The following GAA variants were observed in gnomAD, a reference collection of about 807,000 sequenced individuals.
GAA encodes lysosomal alpha-glucosidase.
GAA carries 88 observed loss-of-function variants against 103.9 expected under a neutral mutation model. The observed-to-expected ratio is 0.85, with a 90% CI of 0.71 to 1.01. The LOEUF is 1.01. GAA is among the 50% of genes least tolerant of loss of function. The pLI is 0.00. For missense variants in GAA, 1,350 were observed against 1,305.3 expected, an observed-to-expected ratio of 1.03 and a Z score of -0.53; for synonymous variants, 572 against 563.1, an observed-to-expected ratio of 1.02 and a Z score of -0.22.
intron 16 of GAA, among the ~76,000 whole-genome samples, 171 bp from the exon 17 acceptor site, chr17:80,117,429 T>C (rs1567839388): frequency 6.6e-6 from 1 of 151,882 alleles, no homozygotes; most frequent in African/African-American, 2.4e-5. Context: ...GCCAGGAGGG[T>C]CCCTACCTAC....
At chr17:80,109,481 C>T (rs1427382947) in intron 8 of GAA, among the ~76,000 whole-genome samples, 1 of 152,164 alleles carries the variant, frequency 6.6e-6, no homozygotes, top group Non-Finnish European at 1.5e-5. Flanking sequence ...TGAAAAGATC[C>T]AACAGTTCCT....
At chr17:80,110,314 C>T (rs369203156) in intron 9 of GAA, among the ~76,000 whole-genome samples, 3 of 152,202 alleles carry the variant, frequency 2.0e-5, no homozygotes, top group African/African-American at 7.2e-5. Flanking sequence ...CTCAGTGAGG[C>T]CTTAGGGTCC....
chr17:80,115,530 G>T (rs139058655), intron 15 of GAA, among the ~76,000 whole-genome samples: 1 of 152,298 alleles, frequency 6.6e-6, no homozygotes, highest in African/African-American at 2.4e-5. Context: ...CACATTTAAA[G>T]TAGCTGACGT....
At position 80,104,187 on chromosome 17, in the gene GAA, C is replaced by A. The variant is rs552074011; in HGVS notation, c.-32-368C>A. On this transcript the variant is annotated intron_variant, in intron 1 of 19. Transcript: ENST00000302262. This position sits in a 1 kb window ranked among gnomAD's most constrained non-coding sequence, Gnocchi z 4.0. The stretch of plus-strand genomic sequence containing the variant: ...GCTGAAGTGGGAGGATTGCTTGAGT[C>A]TGGGAGGTGGAGGTTGCAGTGAGCC... 2.0e-5 allele frequency among the ~76,000 whole-genome samples: 3 copies of A among 152,150 alleles called. No homozygotes were observed. The highest frequency in any genetic ancestry group is 6.5e-5 in the Admixed American group (1 of 15,274).
At chr17:80,106,823 G>A (rs541760594) in intron 3 of GAA, among the ~76,000 whole-genome samples, 92 of 152,336 alleles carry the variant, frequency 6.0e-4, no homozygotes, top group Non-Finnish European at 1.1e-3. Context: ...TCAGGAGGCT[G>A]AGGCAAGAGG....
rs1288846149 is a variant in GAA, at chr17:80,118,532, A to G, written c.2647-121A>G. ...CCGTGCACTCTGCCCTTTCGTGTAC[A>G]CAGAGGGAGGTCACCTCCCTGATGC... On this transcript the variant is annotated intron_variant, in intron 18 of 19. Transcript: ENST00000302262. 2.4e-5 allele frequency: 33 copies of G among 1,399,716 alleles called. No individual in the cohort carries two copies. The East Asian group carries it at 7.5e-4, about 32-fold the overall frequency. The allele number at this position is 1,399,716 out of a possible 1,614,324, so 86.7% of individuals were successfully genotyped here.
chr17:80,112,242 C>A (rs2039254277), intron 12 of GAA, 142 bp downstream of exon 12: 2 of 831,484 alleles, frequency 2.4e-6, no homozygotes, highest in Non-Finnish European at 4.0e-6. Context: ...GCTCTCCCCA[C>A]CCGCTGCCTG....
chr17:80,112,436 A>G, intron 12 of GAA, 142 bp from the exon 13 acceptor site: 4 of 1,048,600 alleles, frequency 3.8e-6, no homozygotes, highest in Non-Finnish European at 5.6e-6. Context: ...GCCCGCAGAC[A>G]TGGGCAGTAG....
At chr17:80,115,472 C>G (rs1436236579) in intron 15 of GAA, among the ~76,000 whole-genome samples, 1 of 152,198 alleles carries the variant, frequency 6.6e-6, no homozygotes, top group African/African-American at 2.4e-5. Flanking sequence ...GTCATGTTCT[C>G]ACACTTTCCT....
At chr17:80,117,881 AG>A (rs2039393141) in intron 17 of GAA, 132 bp downstream of exon 17, 5 of 977,698 alleles carry the variant, frequency 5.1e-6, no homozygotes, top group Non-Finnish European at 5.9e-6. Context: ...TAGGTTATCA[AG>A]GAGCCAGCCA....
chr17:80,112,804 G>T, intron 13 of GAA, 72 bp from the exon 14 acceptor site: 1 of 1,578,778 alleles, frequency 6.3e-7, no homozygotes, highest in Non-Finnish European at 8.6e-7. Flanking sequence ...TAGCAGGTGG[G>T]GCTCTGGGTC....
At position 80,119,738 on chromosome 17, in the gene GAA, A is replaced by G. The variant is rs2039442519; in HGVS notation, c.*407A>G. On this transcript the variant is annotated 3_prime_UTR_variant, in exon 20 of 20. Coordinates refer to ENST00000302262, the MANE Select transcript of GAA (RefSeq NM_000152.5). The stretch of plus-strand genomic sequence containing the variant: ...TGCTTCGCGCCTGCTGCTCTGCCCC[A>G]ACGCGACCGCTGCCCGGCTGCCCAG... The G allele has an allele frequency of 7.6e-6, 2 of 263,192 alleles. No homozygotes were observed. Among genetic ancestry groups the G allele is most frequent in the African/African-American group, 4.4e-5 (2 of 45,132 alleles). 16.3% of individuals were successfully genotyped at this position (263,192 alleles called of 1,614,324 possible). A position where few individuals can be genotyped will look rare whatever the true frequency, so the allele number is the denominator to read the frequency against.
intron 11 of GAA, 119 bp downstream of exon 11, chr17:80,111,144 G>A (rs1050581688): frequency 4.4e-6 from 4 of 917,036 alleles, no homozygotes; most frequent in East Asian, 2.6e-5. Flanking sequence ...GAAAGGGGCG[G>A]GGGGGGGATC....
At position 80,112,439 on chromosome 17, in the gene GAA, G is replaced by T. The variant is rs1354658700; in HGVS notation, c.1755-139G>T. On this transcript the variant is annotated intron_variant, in intron 12 of 19. Transcript: ENST00000302262. ...AGAGGCAACTGTGCCCGCAGACATG[G>T]GCAGTAGCCTCGCCGTCCTCCTCCC... 7 of 1,082,216 alleles carry T rather than the reference G, an allele frequency of 6.5e-6. No individual in the cohort carries two copies. In the African/African-American group the frequency reaches 1.1e-4, roughly 17 times the overall value. 67.0% of individuals were successfully genotyped at this position (1,082,216 alleles called of 1,614,324 possible).
At chr17:80,110,581 C>A in intron 9 of GAA, 146 bp from the exon 10 acceptor site, 1 of 670,472 alleles carries the variant, frequency 1.5e-6, no homozygotes, top group South Asian at 1.8e-5. Flanking sequence ...GCTCATTGAC[C>A]TCCAGGGTGC....
rs1228242972 is a variant in GAA at position 80,104,565 on chromosome 17, G to C, written c.-22G>C. 1.9e-6 allele frequency: 3 copies of C among 1,598,620 alleles called. No homozygotes were observed. The highest frequency in any genetic ancestry group is 2.6e-6 in the Non-Finnish European group (3 of 1,171,600). On this transcript the variant is annotated 5_prime_UTR_variant, in exon 2 of 20. Transcript: ENST00000302262. The surrounding 1 kb of genome is among the most constrained non-coding windows in gnomAD (Gnocchi z 4.0). ...TTTCTTCTCCCGCAGGCCTGTAGGAGCTGTCCAGGCCATCTCCAACCATGG... is the reference window on the plus strand; with the variant it reads ...TTTCTTCTCCCGCAGGCCTGTAGGACCTGTCCAGGCCATCTCCAACCATGG...
chr17:80,117,251 C>G (rs756040392), intron 16 of GAA, 142 bp downstream of exon 16: 2 of 879,594 alleles, frequency 2.3e-6, no homozygotes, highest in Non-Finnish European at 3.6e-6. Context: ...GGCCCCCACC[C>G]GGCTGCTCCG....
At position 80,108,542 on chromosome 17, in the gene GAA, G is replaced by C. The variant is rs752002666; in HGVS notation, c.1129G>C (p.Gly377Arg). The C allele has an allele frequency of 9.9e-6, 16 of 1,612,804 alleles. No homozygotes were observed. Among genetic ancestry groups the C allele is most frequent in the Non-Finnish European group, 1.4e-5 (16 of 1,179,904 alleles). ...CCTGGGCTTCCACCTGTGCCGCTGG[G>C]GCTACTCCTCCACCGCTATCACCCG... ...WGLGFHLCRW[G>R]YSSTAITRQV... The change falls in exon 7 of 20, where the codon GGC (glycine) becomes CGC (arginine). Residue 377 changes from glycine to arginine, a missense_variant. Physicochemically the swap from Gly to Arg is moderately radical, Grantham distance 125. Transcript: ENST00000302262.
In GAA at chr17:80,108,800, A is replaced by G. The variant is rs201463496; in HGVS notation, c.1298A>G (p.Gln433Arg). The part of the protein sequence containing the change: ...DFPAMVQELH[Q>R]GGRRYMMIVD... ...CCGGCCATGGTGCAGGAGCTGCACC[A>G]GGGCGGCCGGCGCTACATGATGATC... Residue 433 changes from glutamine (Q) to arginine (R), a missense_variant, in exon 8 of 20, where the codon CAG becomes CGG. Gln to Arg is a conservative substitution (Grantham distance 43, BLOSUM62 1). Coordinates refer to ENST00000302262, the MANE Select transcript of GAA (RefSeq NM_000152.5). 14 of 1,603,574 alleles carry G rather than the reference A, an allele frequency of 8.7e-6. No individual in the cohort carries two copies. The highest frequency in any genetic ancestry group is 6.8e-5 in the East Asian group (3 of 44,314).
Sources: allele counts gnomAD v4.1 joint callset (sites outside exome capture counted in the v4.1 genomes callset), GRCh38; gene constraint gnomAD v4.1.1; non-coding constraint Gnocchi (gnomAD v3.1); transcripts MANE v1.5; gene names NCBI Gene and HGNC (gene_info 2026-07-23, HGNC 2026-07-21).